PPARGC1A: variants seen among roughly 807,000 people sequenced by gnomAD.
The protein encoded by PPARGC1A is PPARG coactivator 1 alpha.
A neutral mutation model predicts 88.7 loss-of-function variants in PPARGC1A; 25 were observed. That is an observed-to-expected ratio of 0.28 (90% CI 0.21 to 0.39). PPARGC1A has a LOEUF of 0.39. Ranked by LOEUF, PPARGC1A falls within the 10% of genes least tolerant of loss-of-function variation. The pLI is 1.00. For synonymous variants in PPARGC1A, 363 were observed against 355.6 expected (o/e 1.02, Z -0.24); for missense variants, 880 against 968.7 (o/e 0.91, Z 1.22).
rs533860841 is a variant in PPARGC1A, at chr4:23,822,048, CT to C, written c.877+2231del. 2.3e-3 allele frequency among the ~76,000 whole-genome samples: 354 copies of C among 152,100 alleles called. 1 individual carries two copies. Among genetic ancestry groups the C allele is most frequent in the African/African-American group, 8.2e-3 (342 of 41,504 alleles). On this transcript the variant is annotated intron_variant, in intron 7 of 12. Coordinates refer to ENST00000264867, the MANE Select transcript of PPARGC1A (RefSeq NM_013261.5). Reference sequence around the variant, plus strand: ...TTTATTTTTCAACCTATATTTTAGTCTTTTGAGTAGACAATTTTATCAGTAG... The same window carrying C: ...TTTATTTTTCAACCTATATTTTAGTCTTTGAGTAGACAATTTTATCAGTAG...
At chr4:24,305,269 A>G in the PPARGC1A span, among the ~76,000 whole-genome samples, 23 of 151,356 alleles carry the variant, frequency 1.5e-4, no homozygotes, top group South Asian at 4.2e-4. Flanking sequence ...TATGATATCT[A>G]AGAAGCAGGG....
chr4:23,810,643 A>G (rs1224810019), intron 10 of PPARGC1A, among the ~76,000 whole-genome samples: 1 of 152,210 alleles, frequency 6.6e-6, no homozygotes, highest in East Asian at 1.9e-4. Flanking sequence ...TAAAATATTA[A>G]TCTGGCTTTA....
At chr4:23,831,820 T>A (rs1361444523) in intron 2 of PPARGC1A, 69 bp from the exon 3 acceptor site, 8 of 1,287,400 alleles carry the variant, frequency 6.2e-6, no homozygotes, top group Non-Finnish European at 8.9e-6. Flanking sequence ...TGCATCAACA[T>A]GTTTGACCAA....
At chr4:24,377,616 G>A in the PPARGC1A span, among the ~76,000 whole-genome samples, 3 of 152,260 alleles carry the variant, frequency 2.0e-5, no homozygotes, top group African/African-American at 4.8e-5. Context: ...TTTGGAGTCC[G>A]TGAGTTGAGA....
the PPARGC1A span, among the ~76,000 whole-genome samples, chr4:24,235,313 A>C: frequency 6.6e-6 from 1 of 152,044 alleles, no homozygotes; most frequent in Non-Finnish European, 1.5e-5. Flanking sequence ...TATCTTGAAA[A>C]CCTTTACACA....
the PPARGC1A span, among the ~76,000 whole-genome samples, chr4:24,344,103 T>TTATATA: frequency 3.2e-4 from 49 of 151,214 alleles, no homozygotes; most frequent in East Asian, 8.1e-3. Flanking sequence ...TAGTATTCCA[T>TTATATA]TATATATATA....
At chr4:24,304,423 GTTTAA>G in the PPARGC1A span, among the ~76,000 whole-genome samples, 10 of 152,176 alleles carry the variant, frequency 6.6e-5, no homozygotes, top group Non-Finnish European at 1.3e-4. Flanking sequence ...TTGCATGGTT[GTTTAA>G]TTTAATTTCA....
At chr4:23,938,952 G>A in the PPARGC1A span, among the ~76,000 whole-genome samples, 1 of 152,170 alleles carries the variant, frequency 6.6e-6, no homozygotes, top group Non-Finnish European at 1.5e-5. Flanking sequence ...TTGGTGTCAG[G>A]GAGAAGCCTC....
At chr4:23,804,045 A>G (rs1197440143) in intron 10 of PPARGC1A, among the ~76,000 whole-genome samples, 1 of 152,186 alleles carries the variant, frequency 6.6e-6, no homozygotes, top group African/African-American at 2.4e-5. Flanking sequence ...GTCTTATTCT[A>G]CCACATGTAA....
At chr4:24,086,589 C>T in the PPARGC1A span, among the ~76,000 whole-genome samples, 1 of 152,124 alleles carries the variant, frequency 6.6e-6, no homozygotes, top group East Asian at 1.9e-4. Flanking sequence ...TGTGGTTGTC[C>T]TATCATTATA....
At chr4:24,127,531 A>G in the PPARGC1A span, among the ~76,000 whole-genome samples, 1 of 152,042 alleles carries the variant, frequency 6.6e-6, no homozygotes. Flanking sequence ...AACTTTATAT[A>G]TATATATACA....
chr4:23,838,144 C>T (rs953557061), intron 2 of PPARGC1A, among the ~76,000 whole-genome samples: 5 of 152,156 alleles, frequency 3.3e-5, no homozygotes, highest in African/African-American at 1.2e-4. Context: ...GTGCTCTGAG[C>T]CTTTGCTTAT....
intron 2 of PPARGC1A, among the ~76,000 whole-genome samples, chr4:23,856,817 G>T (rs1377085840): frequency 1.3e-5 from 2 of 152,000 alleles, no homozygotes; most frequent in Admixed American, 1.3e-4. Context: ...ATCACCGAGA[G>T]GCTGGCACAG....
At chr4:23,810,592 A>T (rs1386694884) in intron 10 of PPARGC1A, among the ~76,000 whole-genome samples, 1 of 152,196 alleles carries the variant, frequency 6.6e-6, no homozygotes, top group Non-Finnish European at 1.5e-5. Context: ...CATCTTTAGA[A>T]GGCATAAAAT....
At chr4:24,139,647 C>T in the PPARGC1A span, among the ~76,000 whole-genome samples, 1 of 152,158 alleles carries the variant, frequency 6.6e-6, no homozygotes, top group Non-Finnish European at 1.5e-5. Context: ...TTCCCATCCT[C>T]CTGGCTCTGA....
the PPARGC1A span, among the ~76,000 whole-genome samples, chr4:24,342,480 C>T: frequency 6.6e-6 from 1 of 151,718 alleles, no homozygotes; most frequent in African/African-American, 2.4e-5. Flanking sequence ...TTACACTAAC[C>T]AGCCTCCCAC....
the PPARGC1A span, among the ~76,000 whole-genome samples, chr4:24,411,463 T>C: frequency 1.1e-4 from 17 of 152,178 alleles, no homozygotes; most frequent in Admixed American, 1.1e-3. Flanking sequence ...TGCCCTACTA[T>C]CAACATCCCA....
At chr4:24,451,925 A>G in the PPARGC1A span, among the ~76,000 whole-genome samples, 20 of 152,176 alleles carry the variant, frequency 1.3e-4, no homozygotes, top group Non-Finnish European at 2.6e-4. Flanking sequence ...GTGCCCAGAT[A>G]TTTGGTCAAA....
chr4:23,797,920 T>G (rs1395039629), intron 12 of PPARGC1A, among the ~76,000 whole-genome samples: 1 of 152,018 alleles, frequency 6.6e-6, no homozygotes. Context: ...GATGGCCGGT[T>G]CCTGCCTTAA....
Sources: gnomAD v4.1 joint callset for allele counts (sites outside exome capture counted in the v4.1 genomes callset) on GRCh38, gnomAD v4.1.1 for gene constraint, MANE v1.5 for transcripts, NCBI Gene and HGNC (gene_info 2026-07-23, HGNC 2026-07-21) for gene names.